GABPA: variants seen among roughly 807,000 people sequenced by gnomAD.
GABPA encodes GA-binding protein alpha chain.
A neutral mutation model predicts 59.4 loss-of-function variants in GABPA; 4 were observed. The ratio of observed to expected loss-of-function variants is 0.07; its 90% CI spans 0.03 to 0.15. GABPA has a LOEUF of 0.15. Ranked by LOEUF, GABPA falls within the 10% of genes least tolerant of loss-of-function variation. GABPA has a pLI of 1.00. For synonymous variants in GABPA, 164 were observed against 183.1 expected, an observed-to-expected ratio of 0.90 and a Z score of 0.84; for missense variants, 251 against 543.8, an observed-to-expected ratio of 0.46 and a Z score of 5.36.
chr21:25,762,805 T>G, intron 7 of GABPA: 1 of 183,826 alleles, frequency 5.4e-6, no homozygotes, highest in Admixed American at 6.1e-5. Context: ...GGGTTTGAAA[T>G]GAAGAAAAAA....
In GABPA at chr21:25,735,179, T is replaced by C; in HGVS notation, c.-426T>C. On this transcript the variant is annotated 5_prime_UTR_variant, in exon 1 of 10. Coordinates refer to ENST00000400075, the MANE Select transcript of GABPA (RefSeq NM_002040.4). ...CCTTGCTCTGTACGCATGCGCTCTT[T>C]GAGTGGCCTTTCCCCTAGTTCAAGC... The C allele has an allele frequency of 3.3e-6, 2 of 605,560 alleles. No homozygotes were observed. The highest frequency in any genetic ancestry group is 3.9e-5 in the South Asian group (2 of 51,760). 37.5% of individuals were successfully genotyped at this position (605,560 alleles called of 1,614,324 possible). A position where few individuals can be genotyped will look rare whatever the true frequency, so the allele number is the denominator to read the frequency against.
intron 4 of GABPA, among the ~76,000 whole-genome samples, chr21:25,749,984 T>C (rs2035467142): frequency 6.6e-6 from 1 of 152,240 alleles, no homozygotes; most frequent in South Asian, 2.1e-4. Flanking sequence ...TTGTATCTAT[T>C]ATTACTACAT....
At position 25,745,277 on chromosome 21, in the gene GABPA, G is replaced by A. The variant is rs2035333286; in HGVS notation, c.145G>A (p.Gly49Ser). 1.9e-6 allele frequency: 3 copies of A among 1,613,782 alleles called. No homozygotes were observed. Among genetic ancestry groups the A allele is most frequent in the Non-Finnish European group, 1.7e-6 (2 of 1,179,708 alleles). Reference sequence around the variant, plus strand: ...GGCCATAGACATCAATGAACCAATAGGCAATTTAAAGAAACTGCTAGAACC... The same window carrying A: ...GGCCATAGACATCAATGAACCAATAAGCAATTTAAAGAAACTGCTAGAACC... ...SQAIDINEPI[G>S]NLKKLLEPRL... The change falls in exon 3 of 10, where the codon GGC becomes AGC. Residue 49 changes from glycine (G) to serine (S), a missense_variant. By Grantham distance (56) the Gly-to-Ser change is moderately conservative (BLOSUM62 0). Transcript: ENST00000400075.
intron 6 of GABPA, among the ~76,000 whole-genome samples, chr21:25,761,180 T>G (rs938760635): frequency 2.6e-5 from 4 of 152,198 alleles, no homozygotes; most frequent in Non-Finnish European, 5.9e-5. Context: ...ACAGTGAGGT[T>G]GTCAGTTGAC....
At chr21:25,747,419 A>T (rs2035395862) in intron 3 of GABPA, among the ~76,000 whole-genome samples, 1 of 152,238 alleles carries the variant, frequency 6.6e-6, no homozygotes, top group African/African-American at 2.4e-5. Context: ...TAATAGTTGG[A>T]TAAATGGTAA....
Position 25,770,707 on chromosome 21 carries a change from A to G in GABPA, c.*1475A>G, listed in dbSNP as rs1378226630. 1 of 152,108 alleles carries G rather than the reference A, an allele frequency of 6.6e-6. No homozygotes were observed. The highest frequency in any genetic ancestry group is 1.5e-5 in the Non-Finnish European group (1 of 67,950). 9.4% of individuals were successfully genotyped at this position (152,108 alleles called of 1,614,324 possible). On this transcript the variant is annotated 3_prime_UTR_variant, in exon 10 of 10. Transcript: ENST00000400075. ...CTAGGAGAAAAAGGCATGATAATAC[A>G]GGCAAGATGGCATTGTTAGCAATTC... is the stretch of plus-strand genomic sequence containing the variant.
intron 5 of GABPA, 100 bp downstream of exon 5, chr21:25,752,334 A>T: frequency 1.7e-6 from 2 of 1,173,726 alleles, no homozygotes; most frequent in Non-Finnish European, 2.4e-6. Flanking sequence ...ATGTAGAGTT[A>T]TTAGGATGAA....
chr21:25,763,698 G>C (rs955469146), intron 7 of GABPA, among the ~76,000 whole-genome samples: 2 of 152,076 alleles, frequency 1.3e-5, no homozygotes, highest in African/African-American at 4.8e-5. Context: ...ACTTGCAGCT[G>C]TTTCATTCAT....
intron 3 of GABPA, among the ~76,000 whole-genome samples, chr21:25,746,034 T>G (rs2035354774): frequency 6.6e-6 from 1 of 151,872 alleles, no homozygotes; most frequent in Admixed American, 6.6e-5. Context: ...TTTTTTGAAA[T>G]GGAGTCTCGT....
In GABPA at chr21:25,735,208, C is replaced by G. The variant is rs2034991817; in HGVS notation, c.-397C>G. ...TGGCCTTTCCCCTAGTTCAAGCTCC[C>G]CTCCGAGTCAGCGTCCTGTTCGTTA... On this transcript the variant is annotated 5_prime_UTR_variant, in exon 1 of 10. Transcript: ENST00000400075. 3.7e-5 allele frequency: 22 copies of G among 592,934 alleles called. No individual in the cohort carries two copies. In the South Asian group the frequency reaches 4.2e-4, roughly 11 times the overall value. 36.7% of individuals were successfully genotyped at this position (592,934 alleles called of 1,614,324 possible).
chr21:25,744,798 T>TA (rs1172997568), intron 2 of GABPA, among the ~76,000 whole-genome samples: 1 of 152,178 alleles, frequency 6.6e-6, no homozygotes, highest in East Asian at 1.9e-4. Context: ...TCTTTTTTTT[T>TA]ATGTGGGGAA....
chr21:25,737,329 T>C (rs2035100966), intron 1 of GABPA, among the ~76,000 whole-genome samples: 1 of 152,216 alleles, frequency 6.6e-6, no homozygotes, highest in Non-Finnish European at 1.5e-5. Context: ...TAAGACTCAC[T>C]CAAAAACTGA....
At chr21:25,737,218 T>C (rs951784384) in intron 1 of GABPA, among the ~76,000 whole-genome samples, 1 of 152,250 alleles carries the variant, frequency 6.6e-6, no homozygotes, top group Admixed American at 6.5e-5. Context: ...TGTGCAGTTC[T>C]GGCGGGGGCA....
At chr21:25,744,059 A>AAG (rs1568940786) in intron 2 of GABPA, among the ~76,000 whole-genome samples, 1 of 133,398 alleles carries the variant, frequency 7.5e-6, no homozygotes, top group African/African-American at 3.5e-5. Context: ...AAAAAAAAAA[A>AAG]AAAACCTACC....
chr21:25,740,296 T>G (rs1041829919), intron 1 of GABPA, among the ~76,000 whole-genome samples: 3 of 152,258 alleles, frequency 2.0e-5, no homozygotes, highest in Admixed American at 2.0e-4. Flanking sequence ...ATTTAAATTC[T>G]TCATTTAGTG....
chr21:25,745,712 C>T (rs139720080), intron 3 of GABPA, among the ~76,000 whole-genome samples: 4 of 152,282 alleles, frequency 2.6e-5, no homozygotes, highest in Admixed American at 1.3e-4. Context: ...ACTTCTCAAA[C>T]GTATCATTTA....
At position 25,762,301 on chromosome 21, in the gene GABPA, G is replaced by GT. The variant is rs765950611; in HGVS notation, c.749-4dup. Reference sequence around the variant, plus strand: ...TTTTAAATAAAAACAAAAAATTTTTGTTTTTTTCAGATGTATTGGCAAGTC... The same window carrying GT: ...TTTTAAATAAAAACAAAAAATTTTTGTTTTTTTTCAGATGTATTGGCAAGTC... On this transcript the variant is annotated splice_polypyrimidine_tract_variant and intron_variant, in intron 6 of 9. Coordinates refer to ENST00000400075, the MANE Select transcript of GABPA (RefSeq NM_002040.4). 19 of 1,518,240 alleles carry GT rather than the reference G, an allele frequency of 1.3e-5. No homozygotes were observed. The highest frequency in any genetic ancestry group is 4.6e-5 in the East Asian group (2 of 43,702). 94.0% of individuals were successfully genotyped at this position (1,518,240 alleles called of 1,614,324 possible).
At chr21:25,751,891 G>A in intron 4 of GABPA, 98 bp from the exon 5 acceptor site, 1 of 1,251,126 alleles carries the variant, frequency 8.0e-7, no homozygotes, top group Non-Finnish European at 1.1e-6. Context: ...ATTCGATGTA[G>A]TTTTTCTCTA....
chr21:25,757,206 A>T (rs929984886), intron 5 of GABPA, among the ~76,000 whole-genome samples: 1 of 152,158 alleles, frequency 6.6e-6, no homozygotes, highest in Admixed American at 6.5e-5. Flanking sequence ...CAGAACCAAA[A>T]CTAATTTAGC....
Sources: allele counts gnomAD v4.1 joint callset (sites outside exome capture counted in the v4.1 genomes callset), GRCh38; gene constraint gnomAD v4.1.1; transcripts MANE v1.5; gene names NCBI Gene and HGNC (gene_info 2026-07-23, HGNC 2026-07-21).